Variants in LHFPL3 observed in about 807,000 individuals in gnomAD.
LHFPL3 encodes LHFPL tetraspan subfamily member 3 protein.
A neutral mutation model predicts 19.3 loss-of-function variants in LHFPL3; 5 were observed. That is an observed-to-expected ratio of 0.26 (90% confidence interval 0.14 to 0.54). The LOEUF is 0.54. Among genes scored for constraint, LHFPL3 ranks in the 20% least tolerant of loss-of-function variants. The pLI is 0.94. For missense variants in LHFPL3, 249 were observed against 307.4 expected (o/e 0.81, Z 1.42); for synonymous variants, 133 against 126.2 (o/e 1.05, Z -0.36).
At position 104,585,903 on chromosome 7, in the gene LHFPL3, G is replaced by A. The variant is rs563053405; in HGVS notation, c.446-150772G>A. ...AGTTGCTGCAAAATACTGATAATGC[G>A]CAAAATTTTCAAGATGTTAAATCTG... is the stretch of plus-strand genomic sequence containing the variant. On this transcript the variant is annotated intron_variant, in intron 1 of 2. Transcript: ENST00000424859. 3.3e-5 allele frequency among the ~76,000 whole-genome samples: 5 copies of A among 152,034 alleles called. No homozygotes were observed. In the South Asian group the frequency reaches 8.3e-4, roughly 25 times the overall value.
chr7:104,360,651 GATTTC>G (rs1275232301), intron 1 of LHFPL3, among the ~76,000 whole-genome samples: 1 of 148,912 alleles, frequency 6.7e-6, no homozygotes, highest in African/African-American at 2.5e-5. Context: ...TAGGGAGGTT[GATTTC>G]CACAGTGAGT....
chr7:104,521,235 A>T (rs1441716318), intron 1 of LHFPL3, among the ~76,000 whole-genome samples: 2 of 152,058 alleles, frequency 1.3e-5, no homozygotes, highest in African/African-American at 2.4e-5. Flanking sequence ...CAGGTTGTTC[A>T]GTTTCCATGT....
intron 2 of LHFPL3, among the ~76,000 whole-genome samples, chr7:104,855,080 T>G (rs969378415): frequency 3.9e-5 from 6 of 152,194 alleles, no homozygotes; most frequent in Non-Finnish European, 7.3e-5. Flanking sequence ...TTGAAAAAAC[T>G]TCATTCCTGG....
At chr7:104,796,034 T>G (rs1375076536) in intron 2 of LHFPL3, among the ~76,000 whole-genome samples, 3 of 152,190 alleles carry the variant, frequency 2.0e-5, no homozygotes, top group Non-Finnish European at 4.4e-5. Flanking sequence ...CTGTAACAAG[T>G]GCTGTAGAAA....
chr7:104,499,225 A>G (rs906891665), intron 1 of LHFPL3, among the ~76,000 whole-genome samples: 1 of 152,222 alleles, frequency 6.6e-6, no homozygotes, highest in Non-Finnish European at 1.5e-5. Flanking sequence ...CTTTGCCATC[A>G]ACCTGTTGGG....
Position 104,457,413 on chromosome 7 carries a change from A to G in LHFPL3, c.445+128189A>G, listed in dbSNP as rs188252996. The stretch of plus-strand genomic sequence containing the variant: ...GATAGTTTACTGAGAATGATTTCCA[A>G]TTTCATCCATGTCCCTACAAAGGAC... On this transcript the variant is annotated intron_variant, in intron 1 of 2. Coordinates refer to ENST00000424859, the MANE Select transcript of LHFPL3 (RefSeq NM_199000.3). 4.6e-3 allele frequency among the ~76,000 whole-genome samples: 699 copies of G among 151,890 alleles called. 23 individuals carry two copies. In the East Asian group the frequency reaches 0.1, roughly 23 times the overall value.
chr7:104,563,339 G>C (rs202109281), intron 1 of LHFPL3, among the ~76,000 whole-genome samples: 5 of 151,574 alleles, frequency 3.3e-5, no homozygotes, highest in Non-Finnish European at 7.4e-5. Context: ...GCGAGACTCC[G>C]TGGGCGTAGG....
chr7:104,840,242 T>C (rs1791170898), intron 2 of LHFPL3, among the ~76,000 whole-genome samples: 1 of 151,392 alleles, frequency 6.6e-6, no homozygotes, highest in Non-Finnish European at 1.5e-5. Context: ...TCTGAAAGAC[T>C]TCTCAATTAA....
rs563553166 is a variant in LHFPL3, at chr7:104,661,151, G to A, written c.446-75524G>A. Among the ~76,000 whole-genome samples, 11 of 152,254 alleles carry A rather than the reference G, an allele frequency of 7.2e-5. No individual in the cohort carries two copies. The South Asian group carries it at 1.4e-3, about 20-fold the overall frequency. On this transcript the variant is annotated intron_variant, in intron 1 of 2. Coordinates refer to ENST00000424859, the MANE Select transcript of LHFPL3 (RefSeq NM_199000.3). ...GACATCTCTGGACCCAGAGCACAGTGAACATCAAGATGATGTCAAAGAAAC... is the reference window on the plus strand; with the variant it reads ...GACATCTCTGGACCCAGAGCACAGTAAACATCAAGATGATGTCAAAGAAAC...
intron 1 of LHFPL3, 78 bp from the exon 2 acceptor site, chr7:104,736,597 C>A: frequency 1.2e-6 from 1 of 860,848 alleles, no homozygotes; most frequent in Non-Finnish European, 1.8e-6. Context: ...ATTCGACAGA[C>A]AGTGGAAACA....
chr7:104,519,630 T>C (rs1014028789), intron 1 of LHFPL3, among the ~76,000 whole-genome samples: 1 of 152,136 alleles, frequency 6.6e-6, no homozygotes, highest in African/African-American at 2.4e-5. Flanking sequence ...AGCTGATCTC[T>C]TGTGTGAAGA....
At chr7:104,652,878 G>A in intron 1 of LHFPL3, among the ~76,000 whole-genome samples, 1 of 152,174 alleles carries the variant, frequency 6.6e-6, no homozygotes, top group Non-Finnish European at 1.5e-5. Context: ...GTAGGTAGTG[G>A]CAGCTCCAGC....
chr7:104,857,940 T>C (rs1481142674), intron 2 of LHFPL3, among the ~76,000 whole-genome samples: 1 of 152,182 alleles, frequency 6.6e-6, no homozygotes, highest in Non-Finnish European at 1.5e-5. Flanking sequence ...CACAGCAGCT[T>C]CTGTGGCAGT....
intron 1 of LHFPL3, among the ~76,000 whole-genome samples, chr7:104,730,574 C>G (rs1793680956): frequency 6.7e-6 from 1 of 149,048 alleles, no homozygotes; most frequent in African/African-American, 2.4e-5. Flanking sequence ...TATCCTTCGC[C>G]CACTTTTTGA....
intron 1 of LHFPL3, among the ~76,000 whole-genome samples, chr7:104,401,011 A>G (rs1313325737): frequency 6.6e-6 from 1 of 152,228 alleles, no homozygotes; most frequent in Non-Finnish European, 1.5e-5. Flanking sequence ...GTAACAGAAT[A>G]GTATAATTTT....
At chr7:104,737,727 A>C (rs1041128348) in intron 2 of LHFPL3, among the ~76,000 whole-genome samples, 5 of 152,064 alleles carry the variant, frequency 3.3e-5, no homozygotes, top group Non-Finnish European at 5.9e-5. Flanking sequence ...TTTTATCTTT[A>C]TGTTATCTTT....
At chr7:104,872,214 G>A (rs1472704546) in intron 2 of LHFPL3, among the ~76,000 whole-genome samples, 2 of 151,782 alleles carry the variant, frequency 1.3e-5, no homozygotes, top group Admixed American at 6.6e-5. Context: ...GCACATGCTT[G>A]TAGTTCCAGC....
intron 1 of LHFPL3, among the ~76,000 whole-genome samples, chr7:104,595,510 C>T (rs1790831419): frequency 6.6e-6 from 1 of 152,226 alleles, no homozygotes. Flanking sequence ...TTAGGCTATA[C>T]AGGGGTCAGG....
intron 1 of LHFPL3, among the ~76,000 whole-genome samples, chr7:104,332,218 C>CTTTTTTTT (rs1562866567): frequency 2.1e-5 from 2 of 95,894 alleles, no homozygotes; most frequent in African/African-American, 8.6e-5. Flanking sequence ...AATCCTATTT[C>CTTTTTTTT]TTTTCTTTTT....
Sources: allele counts gnomAD v4.1 joint callset (sites outside exome capture counted in the v4.1 genomes callset), GRCh38; gene constraint gnomAD v4.1.1; transcripts MANE v1.5; gene names NCBI Gene and HGNC (gene_info 2026-07-23, HGNC 2026-07-21).